The following PRSS23 variants were observed in gnomAD, a reference collection of about 807,000 sequenced individuals.
PRSS23 encodes the protein serine protease 23.
PRSS23 carries 25 observed loss-of-function variants against 34.7 expected under a neutral mutation model. That is an observed-to-expected ratio of 0.72 (90% CI 0.53 to 1.01). The LOEUF (loss-of-function observed/expected upper bound fraction) is 1.01, where lower values mean the gene tolerates loss of function less well. Ranked by LOEUF, PRSS23 falls within the 50% of genes least tolerant of loss-of-function variation. The pLI, the probability that PRSS23 is intolerant of heterozygous loss-of-function variation, is 0.00. For missense variants in PRSS23, 445 were observed against 475.6 expected (o/e 0.94, Z 0.60); for synonymous variants, 176 against 186.6 (o/e 0.94, Z 0.46).
chr11:86,823,083 C>T (rs1226556853), intron 1 of PRSS23, among the ~76,000 whole-genome samples: 1 of 152,146 alleles, frequency 6.6e-6, no homozygotes, highest in Non-Finnish European at 1.5e-5. Flanking sequence ...GTTTGGGAGG[C>T]CCCGTCAGGG....
At chr11:86,870,655 C>T (rs895095092) in intron 2 of PRSS23, among the ~76,000 whole-genome samples, 2 of 152,168 alleles carry the variant, frequency 1.3e-5, no homozygotes, top group East Asian at 3.8e-4. Context: ...CTGAAATTGT[C>T]CCACAGGTCG....
rs573477229 is a variant in PRSS23, at chr11:86,895,748, G to A, written c.207-55468G>A. Among the ~76,000 whole-genome samples, 257 of 152,208 alleles carry A rather than the reference G, an allele frequency of 1.7e-3. 4 individuals are homozygous for A. The highest frequency in any genetic ancestry group is 0.014 in the Middle Eastern group (4 of 294). On this transcript the variant is annotated intron_variant, in intron 2 of 2. Transcript: ENST00000533902. ...GCCCACTTTGGCTGCCCAAAGTGCCGGGACTACAGGTGTGAACCACCGTGC... is the reference window on the plus strand; with the variant it reads ...GCCCACTTTGGCTGCCCAAAGTGCCAGGACTACAGGTGTGAACCACCGTGC...
exon 3 of PRSS23, chr11:86,951,857 G>A (rs1950464299): frequency 1.2e-6 from 2 of 1,613,606 alleles, no homozygotes. Context: ...TGCACATCCT[G>A]TGTTCTTAAG....
chr11:86,836,448 C>T (rs1438263886), intron 2 of PRSS23, among the ~76,000 whole-genome samples: 1 of 152,158 alleles, frequency 6.6e-6, no homozygotes, highest in Non-Finnish European at 1.5e-5. Context: ...TTAATTCCTT[C>T]CTCAAGCAGG....
intron 1 of PRSS23, chr11:86,821,607 A>G: frequency 6.2e-7 from 1 of 1,603,876 alleles, no homozygotes; most frequent in Non-Finnish European, 8.5e-7. Flanking sequence ...AATTCCCTTA[A>G]ATGTTCATAC....
chr11:86,833,109 C>T (rs1948373626), intron 2 of PRSS23: 2 of 637,684 alleles, frequency 3.1e-6, no homozygotes, highest in South Asian at 2.9e-5. Context: ...GGCCCTCACA[C>T]TCAGGAGCAT....
At chr11:86,922,475 AAAAT>A (rs966844472) in intron 2 of PRSS23, among the ~76,000 whole-genome samples, 6 of 138,444 alleles carry the variant, frequency 4.3e-5, no homozygotes, top group Non-Finnish European at 7.9e-5. Flanking sequence ...ATCTCTAAAA[AAAAT>A]AAACAAATAA....
chr11:86,800,548 G>T lies in PRSS23; in HGVS notation c.-117G>T, dbSNP rs1049066495. ...GCTGCTCGCCAGCTTGCTCGCACTC[G>T]GCTGTGCGGCGGGGCAGGCATGGGA... On this transcript the variant is annotated 5_prime_UTR_variant, in exon 1 of 2. Coordinates refer to ENST00000280258, the MANE Select transcript of PRSS23 (RefSeq NM_007173.6). 2.0e-6 allele frequency: 2 copies of T among 984,672 alleles called. No individual in the cohort carries two copies. Among genetic ancestry groups the T allele is most frequent in the African/African-American group, 3.5e-5 (2 of 57,156 alleles). 61.0% of individuals were successfully genotyped at this position (984,672 alleles called of 1,614,324 possible).
chr11:86,795,534 C>T (rs1252934516), intron 1 of PRSS23, among the ~76,000 whole-genome samples: 1 of 152,250 alleles, frequency 6.6e-6, no homozygotes, highest in East Asian at 1.9e-4. Context: ...TGATGTGGAT[C>T]ATCTTCCCGT....
intron 2 of PRSS23, among the ~76,000 whole-genome samples, chr11:86,902,000 A>G (rs190967442): frequency 1.3e-5 from 2 of 152,244 alleles, no homozygotes; most frequent in Admixed American, 6.5e-5. Context: ...CAAGGTAGAA[A>G]CTGGGTGTTG....
intron 2 of PRSS23, among the ~76,000 whole-genome samples, chr11:86,861,296 T>C (rs1431995886): frequency 1.3e-5 from 2 of 151,430 alleles, no homozygotes; most frequent in African/African-American, 4.9e-5. Flanking sequence ...ATATGGTTTG[T>C]AATATCCGGG....
In PRSS23 at chr11:86,822,127, C is replaced by T. The variant is rs547853725; in HGVS notation, c.-11-1250C>T. Among the ~76,000 whole-genome samples the T allele has an allele frequency of 8.9e-4, 136 of 152,170 alleles. 2 individuals carry two copies. The South Asian group carries it at 0.027, about 30-fold the overall frequency. ...CATAATAGGGGTTCATTTATTTATT[C>T]GTTCATTTGGCAAATATTTATTGAG... On this transcript the variant is annotated intron_variant, in intron 1 of 2. Transcript: ENST00000533902.
Position 86,808,115 on chromosome 11 carries a change from A to G in PRSS23, c.472A>G (p.Thr158Ala). Residue 158 changes from threonine to alanine, a missense_variant, in exon 2 of 2, where the codon ACG (threonine) becomes GCG (alanine). By Grantham distance (58) the Thr-to-Ala change is moderately conservative. Transcript: ENST00000280258. ...YPFSTSVKLS[T>A]GCTGTLVAEK... ...TTTCTCAACATCAGTGAAGTTATCC[A>G]CGGGCTGCACCGGCACCCTGGTGGC... The G allele has an allele frequency of 6.2e-7, 1 of 1,614,204 alleles. No individual in the cohort carries two copies. Among genetic ancestry groups the G allele is most frequent in the East Asian group, 2.2e-5 (1 of 44,872 alleles).
chr11:86,833,190 T>G, intron 2 of PRSS23: 2 of 1,146,666 alleles, frequency 1.7e-6, no homozygotes, highest in Non-Finnish European at 2.6e-6. Context: ...AGGAGATGAC[T>G]CTGCTGTGAG....
At chr11:86,881,687 A>G (rs1157318739) in intron 2 of PRSS23, among the ~76,000 whole-genome samples, 1 of 152,050 alleles carries the variant, frequency 6.6e-6, no homozygotes, top group Non-Finnish European at 1.5e-5. Flanking sequence ...TCTTCTTTAA[A>G]TGTTTGGTAG....
chr11:86,833,531 A>G (rs965519655), intron 2 of PRSS23: 20 of 260,818 alleles, frequency 7.7e-5, no homozygotes, highest in Non-Finnish European at 1.2e-4. Flanking sequence ...CAGAGCTCCC[A>G]TACAAAGGGA....
chr11:86,873,823 T>C (rs1021554645), intron 2 of PRSS23, among the ~76,000 whole-genome samples: 1 of 152,024 alleles, frequency 6.6e-6, no homozygotes, highest in Non-Finnish European at 1.5e-5. Flanking sequence ...ATGAGAGGCA[T>C]AAAAGAGAAC....
chr11:86,895,619 A>G (rs973196866), intron 2 of PRSS23, among the ~76,000 whole-genome samples: 2 of 151,060 alleles, frequency 1.3e-5, no homozygotes, highest in African/African-American at 4.9e-5. Context: ...AGCTGGGACC[A>G]CAAGCACATA....
chr11:86,829,916 G>C (rs1425369655), intron 2 of PRSS23, among the ~76,000 whole-genome samples: 2 of 152,238 alleles, frequency 1.3e-5, no homozygotes, highest in Non-Finnish European at 2.9e-5. Context: ...GTGCCTCCCA[G>C]TTAGGCTGCT....
Sources: gnomAD v4.1 joint callset for allele counts (sites outside exome capture counted in the v4.1 genomes callset) on GRCh38, gnomAD v4.1.1 for gene constraint, MANE v1.5 for transcripts, NCBI Gene and HGNC (gene_info 2026-07-23, HGNC 2026-07-21) for gene names.